Variants in ARHGAP26 observed in about 807,000 individuals in gnomAD.
The protein encoded by ARHGAP26 is rho GTPase-activating protein 26.
A neutral mutation model predicts 104.8 loss-of-function variants in ARHGAP26; 38 were observed. The ratio of observed to expected loss-of-function variants is 0.36; its 90% CI spans 0.28 to 0.48. ARHGAP26 has a LOEUF of 0.48. Among genes scored for constraint, ARHGAP26 ranks in the 20% least tolerant of loss-of-function variants. The pLI, the probability that ARHGAP26 is intolerant of heterozygous loss-of-function variation, is 0.99. For synonymous variants in ARHGAP26, 341 were observed against 340.0 expected, an observed-to-expected ratio of 1.00 and a Z score of -0.03; for missense variants, 704 against 947.9, an observed-to-expected ratio of 0.74 and a Z score of 3.38.
At chr5:142,845,042 G>A (rs1771655839) in intron 1 of ARHGAP26, among the ~76,000 whole-genome samples, 1 of 152,122 alleles carries the variant, frequency 6.6e-6, no homozygotes, top group Non-Finnish European at 1.5e-5. Context: ...CTAGTGAGCA[G>A]ACTCCTGATT....
intron 8 of ARHGAP26, among the ~76,000 whole-genome samples, chr5:142,905,391 CTT>C (rs11338660): frequency 6.6e-6 from 1 of 151,408 alleles, no homozygotes; most frequent in Admixed American, 6.6e-5. Context: ...GGATACAGCA[CTT>C]TTTTTTTAAT....
At chr5:142,975,938 G>A (rs1465655842) in intron 11 of ARHGAP26, among the ~76,000 whole-genome samples, 2 of 152,192 alleles carry the variant, frequency 1.3e-5, no homozygotes, top group African/African-American at 4.8e-5. Context: ...TGCTTTGTCT[G>A]GTGCTCAGCT....
chr5:142,954,658 A>G (rs1469678024), intron 11 of ARHGAP26, among the ~76,000 whole-genome samples: 1 of 152,230 alleles, frequency 6.6e-6, no homozygotes, highest in African/African-American at 2.4e-5. Context: ...ATTATCTGGC[A>G]CACAGTAGCA....
chr5:143,138,443 A>T (rs1798144236), intron 19 of ARHGAP26, among the ~76,000 whole-genome samples: 1 of 152,258 alleles, frequency 6.6e-6, no homozygotes, highest in South Asian at 2.1e-4. Context: ...AAACCACTGA[A>T]TATTTTAGTG....
At chr5:143,091,298 A>G (rs1310385526) in intron 17 of ARHGAP26, among the ~76,000 whole-genome samples, 3 of 152,160 alleles carry the variant, frequency 2.0e-5, no homozygotes, top group Non-Finnish European at 4.4e-5. Flanking sequence ...CCCTTTGATG[A>G]GAACATGATC....
intron 4 of ARHGAP26, among the ~76,000 whole-genome samples, chr5:142,883,330 G>T (rs985029669): frequency 2.0e-5 from 3 of 152,206 alleles, no homozygotes; most frequent in African/African-American, 7.2e-5. Context: ...TGGAGCCCCA[G>T]TTCAAAGTTG....
intron 14 of ARHGAP26, among the ~76,000 whole-genome samples, chr5:143,045,095 G>A (rs1784040824): frequency 6.6e-6 from 1 of 152,210 alleles, no homozygotes; most frequent in South Asian, 2.1e-4. Context: ...GAGTGGTTAT[G>A]AAAGGATCTT....
chr5:142,970,415 C>G (rs1010637383), intron 11 of ARHGAP26, among the ~76,000 whole-genome samples: 9 of 152,200 alleles, frequency 5.9e-5, no homozygotes, highest in Admixed American at 2.6e-4. Context: ...TTGACTCTTT[C>G]TGTTTTCCTC....
At chr5:143,101,406 G>C (rs771671481) in intron 17 of ARHGAP26, among the ~76,000 whole-genome samples, 1 of 151,912 alleles carries the variant, frequency 6.6e-6, no homozygotes, top group African/African-American at 2.4e-5. Flanking sequence ...TCAGGGAGTG[G>C]GCCTTAAATG....
chr5:142,924,323 G>A (rs1353469190), intron 10 of ARHGAP26, among the ~76,000 whole-genome samples: 1 of 152,090 alleles, frequency 6.6e-6, no homozygotes, highest in African/African-American at 2.4e-5. Context: ...TGCACAGGGG[G>A]GCAGTACAAC....
chr5:142,797,070 T>A (rs1761121182), intron 1 of ARHGAP26, among the ~76,000 whole-genome samples: 1 of 152,160 alleles, frequency 6.6e-6, no homozygotes, highest in Admixed American at 6.5e-5. Context: ...CAGTGAAGAG[T>A]CTTTGTTCAG....
chr5:142,830,942 A>G lies in ARHGAP26; in HGVS notation c.155-42458A>G, dbSNP rs146144669. 1.1e-4 allele frequency among the ~76,000 whole-genome samples: 16 copies of G among 152,338 alleles called. No individual in the cohort carries two copies. In the East Asian group the frequency reaches 3.1e-3, roughly 29 times the overall value. On this transcript the variant is annotated intron_variant, in intron 1 of 22. Coordinates refer to ENST00000645722, the MANE Select transcript of ARHGAP26 (RefSeq NM_001135608.3). ...GAGGTATGTTTTTTCAGACAGGCAA[A>G]TATGACCTTGCAGATGAGCTCCTTT...
At chr5:143,162,294 C>CACACACAG (rs144864749) in intron 20 of ARHGAP26, among the ~76,000 whole-genome samples, 2 of 93,742 alleles carry the variant, frequency 2.1e-5, no homozygotes, top group Non-Finnish European at 5.7e-5. Flanking sequence ...TACACACACA[C>CACACACAG]ACACACACAC....
intron 1 of ARHGAP26, among the ~76,000 whole-genome samples, chr5:142,840,816 C>G (rs78925358): frequency 2.0e-5 from 3 of 152,118 alleles, no homozygotes; most frequent in Non-Finnish European, 2.9e-5. Flanking sequence ...ATTAAGCAAC[C>G]CTTCCATATC....
At chr5:143,159,737 A>G (rs1800955268) in intron 20 of ARHGAP26, among the ~76,000 whole-genome samples, 1 of 152,200 alleles carries the variant, frequency 6.6e-6, no homozygotes, top group African/African-American at 2.4e-5. Context: ...TATTTTATAT[A>G]AGAATCCAGG....
chr5:142,786,145 A>C (rs1201413282), intron 1 of ARHGAP26, among the ~76,000 whole-genome samples: 10 of 139,810 alleles, frequency 7.2e-5, no homozygotes, highest in African/African-American at 2.9e-4. Context: ...TAATTAAAAA[A>C]CATTTTTTTT....
At chr5:143,177,004 GC>G (rs2151163728) in intron 20 of ARHGAP26, among the ~76,000 whole-genome samples, 1 of 152,268 alleles carries the variant, frequency 6.6e-6, no homozygotes, top group South Asian at 2.1e-4. Context: ...TTTGGCTCTG[GC>G]ACTCATCTGT....
intron 1 of ARHGAP26, among the ~76,000 whole-genome samples, chr5:142,814,490 G>T (rs1764720899): frequency 6.6e-6 from 1 of 152,224 alleles, no homozygotes; most frequent in African/African-American, 2.4e-5. Flanking sequence ...CCTGGAACAG[G>T]AAGGGAGCTG....
chr5:143,213,460 C>G (rs995371873), intron 21 of ARHGAP26, among the ~76,000 whole-genome samples: 2 of 152,180 alleles, frequency 1.3e-5, no homozygotes, highest in African/African-American at 4.8e-5. Flanking sequence ...AATCCTGTCT[C>G]ACCAGCAAGA....
Sources: gnomAD v4.1 joint callset for allele counts (sites outside exome capture counted in the v4.1 genomes callset) on GRCh38, gnomAD v4.1.1 for gene constraint, MANE v1.5 for transcripts, NCBI Gene and HGNC (gene_info 2026-07-23, HGNC 2026-07-21) for gene names.